Variants in SYNDIG1 observed in about 807,000 individuals in gnomAD.
SYNDIG1 encodes the protein synapse differentiation-inducing gene protein 1.
A neutral mutation model predicts 19.4 loss-of-function variants in SYNDIG1; 9 were observed. That is an observed-to-expected ratio of 0.46 (90% CI 0.28 to 0.81). SYNDIG1 has a LOEUF of 0.81. Among genes scored for constraint, SYNDIG1 ranks in the 30% least tolerant of loss-of-function variants. The probability of loss-of-function intolerance (pLI) is 0.12; values close to 1 mark genes in which losing one functional copy is unlikely to be tolerated. For synonymous variants in SYNDIG1, 141 were observed against 145.9 expected (o/e 0.97, Z 0.24); for missense variants, 311 against 343.3 (o/e 0.91, Z 0.74).
chr20:24,585,048 T>TGGGGGC, intron 3 of SYNDIG1, 55 bp downstream of exon 3: 1 of 395,196 alleles, frequency 2.5e-6, no homozygotes, highest in Non-Finnish European at 4.2e-6. Context: ...AGGGTGGGGG[T>TGGGGGC]GGGGGCGGCA....
intron 1 of SYNDIG1, among the ~76,000 whole-genome samples, chr20:24,536,008 G>A (rs2057354724): frequency 6.6e-6 from 1 of 152,148 alleles, no homozygotes; most frequent in Non-Finnish European, 1.5e-5. Context: ...GCTGCTATTG[G>A]CAAAACATCA....
intron 3 of SYNDIG1, among the ~76,000 whole-genome samples, chr20:24,650,982 C>T (rs754166254): frequency 5.3e-5 from 8 of 152,112 alleles, no homozygotes; most frequent in African/African-American, 1.2e-4. Context: ...ATTACAGGTG[C>T]GCACCACCAT....
intron 3 of SYNDIG1, among the ~76,000 whole-genome samples, chr20:24,638,845 C>T (rs569684394): frequency 1.3e-5 from 2 of 152,338 alleles, no homozygotes; most frequent in South Asian, 2.1e-4. Context: ...CTTCTGATTC[C>T]AGGCTCAGAG....
rs1214501250 is a variant in SYNDIG1 at position 24,622,936 on chromosome 20, C to G, written c.618+37943C>G. Among the ~76,000 whole-genome samples the G allele has an allele frequency of 2.0e-5, 3 of 151,942 alleles. 1 individual carries two copies. The highest frequency in any genetic ancestry group is 4.4e-5 in the Non-Finnish European group (3 of 67,990). On this transcript the variant is annotated intron_variant, in intron 3 of 3. Transcript: ENST00000376862. Reference sequence around the variant, plus strand: ...TAACTGAGATATATCCTGTTTAAACCATAGAAAATTGAAACCAAAGAGAAA... The same window carrying G: ...TAACTGAGATATATCCTGTTTAAACGATAGAAAATTGAAACCAAAGAGAAA...
chr20:24,554,744 A>G (rs547113744), intron 2 of SYNDIG1, among the ~76,000 whole-genome samples: 13 of 151,474 alleles, frequency 8.6e-5, no homozygotes, highest in Non-Finnish European at 1.8e-4. Context: ...ATGTTCATCA[A>G]GGATATTGGT....
At chr20:24,508,760 C>T (rs991306668) in intron 1 of SYNDIG1, among the ~76,000 whole-genome samples, 2 of 152,172 alleles carry the variant, frequency 1.3e-5, no homozygotes, top group Non-Finnish European at 2.9e-5. Flanking sequence ...GTTCTTCAGA[C>T]TGATAAAAAC....
chr20:24,634,872 C>T (rs2059299557), intron 3 of SYNDIG1, among the ~76,000 whole-genome samples: 1 of 152,138 alleles, frequency 6.6e-6, no homozygotes, highest in African/African-American at 2.4e-5. Context: ...GGGAAGCTTC[C>T]AGGGCACTAC....
At chr20:24,498,421 C>T (rs1013613304) in intron 1 of SYNDIG1, among the ~76,000 whole-genome samples, 10 of 152,146 alleles carry the variant, frequency 6.6e-5, no homozygotes, top group African/African-American at 9.7e-5. Context: ...CTACGTTAGC[C>T]ATAGGCGCTG....
At position 24,508,218 on chromosome 20, in the gene SYNDIG1, ATTTTTTT is replaced by A. The variant is rs34436263; in HGVS notation, c.-78-34780_-78-34774del. Reference sequence around the variant, plus strand: ...TGGAAAATTAAAATTAAGGAGGATAATTTTTTTTTTTTTTTTTTTTTTTTTTTTGTGA... The same window carrying A: ...TGGAAAATTAAAATTAAGGAGGATAATTTTTTTTTTTTTTTTTTTTTGTGA... On this transcript the variant is annotated intron_variant, in intron 1 of 3. Transcript: ENST00000376862. Among the ~76,000 whole-genome samples the A allele has an allele frequency of 1.8e-4, 13 of 73,238 alleles. No homozygotes were observed. The South Asian group carries it at 5.1e-3, about 28-fold the overall frequency. 48.0% of individuals were successfully genotyped at this position (73,238 alleles called of 152,430 possible).
chr20:24,655,007 C>T (rs944100233), intron 3 of SYNDIG1, among the ~76,000 whole-genome samples: 10 of 152,274 alleles, frequency 6.6e-5, no homozygotes, highest in Admixed American at 2.0e-4. Flanking sequence ...CATGATGTTC[C>T]GAAGCCTTCC....
At chr20:24,582,266 C>T (rs1448216681) in intron 2 of SYNDIG1, among the ~76,000 whole-genome samples, 1 of 112,016 alleles carries the variant, frequency 8.9e-6, no homozygotes, top group East Asian at 2.9e-4. Context: ...TCACATACTT[C>T]CCACTGCACG....
chr20:24,539,076 T>C (rs531776580), intron 1 of SYNDIG1, among the ~76,000 whole-genome samples: 1 of 152,352 alleles, frequency 6.6e-6, no homozygotes, highest in Admixed American at 6.5e-5. Context: ...TGATATTGTC[T>C]ATTGATGCAC....
chr20:24,647,479 C>A (rs935786446), intron 3 of SYNDIG1, among the ~76,000 whole-genome samples: 1 of 152,050 alleles, frequency 6.6e-6, no homozygotes, highest in Non-Finnish European at 1.5e-5. Flanking sequence ...CAAACACTTT[C>A]TTTGGGAAGG....
At chr20:24,504,237 T>G (rs7264095) in intron 1 of SYNDIG1, among the ~76,000 whole-genome samples, 45 of 152,066 alleles carry the variant, frequency 3.0e-4, no homozygotes, top group African/African-American at 1.0e-3. Flanking sequence ...GGATTACAGG[T>G]GTGAGCCACC....
intron 1 of SYNDIG1, among the ~76,000 whole-genome samples, chr20:24,470,244 C>A (rs1022552038): frequency 2.0e-5 from 3 of 152,216 alleles, no homozygotes; most frequent in Non-Finnish European, 4.4e-5. Context: ...GTGAGCCGGG[C>A]GGCCACGGAG....
At chr20:24,521,981 T>C (rs947600285) in intron 1 of SYNDIG1, among the ~76,000 whole-genome samples, 2 of 152,012 alleles carry the variant, frequency 1.3e-5, no homozygotes, top group African/African-American at 4.8e-5. Context: ...AACATATCAC[T>C]TCATTTGCCC....
intron 3 of SYNDIG1, among the ~76,000 whole-genome samples, chr20:24,598,025 T>C (rs949910514): frequency 6.6e-6 from 1 of 152,190 alleles, no homozygotes. Context: ...TTAGCCAAAT[T>C]GGAACCCAGG....
chr20:24,588,232 C>G (rs1227683736), intron 3 of SYNDIG1, among the ~76,000 whole-genome samples: 3 of 152,198 alleles, frequency 2.0e-5, no homozygotes, highest in Non-Finnish European at 4.4e-5. Flanking sequence ...TGCTGCTGGT[C>G]GTGCCCTGCT....
chr20:24,493,224 G>T (rs762745911), intron 1 of SYNDIG1, among the ~76,000 whole-genome samples: 1 of 152,244 alleles, frequency 6.6e-6, no homozygotes, highest in Non-Finnish European at 1.5e-5. Flanking sequence ...AATGTGAAAA[G>T]CTAAATGAAC....
Sources: allele counts gnomAD v4.1 joint callset (sites outside exome capture counted in the v4.1 genomes callset), GRCh38; gene constraint gnomAD v4.1.1; transcripts MANE v1.5; gene names NCBI Gene and HGNC (gene_info 2026-07-23, HGNC 2026-07-21).